The following PIK3C2G variants were observed in gnomAD, a reference collection of about 807,000 sequenced individuals.
PIK3C2G encodes phosphatidylinositol-4-phosphate 3-kinase catalytic subunit type 2 gamma.
A neutral mutation model predicts 181.1 loss-of-function variants in PIK3C2G; 168 were observed. The observed-to-expected ratio is 0.93, with a 90% confidence interval of 0.82 to 1.05. PIK3C2G has a LOEUF of 1.05. Ranked by LOEUF, PIK3C2G falls within the 50% of genes least tolerant of loss-of-function variation. The pLI is 0.00. For synonymous variants in PIK3C2G, 573 were observed against 592.2 expected (o/e 0.97, Z 0.47); for missense variants, 1,869 against 1,732.8 (o/e 1.08, Z -1.40).
At chr12:18,376,638 A>G (rs1250796176) in intron 13 of PIK3C2G, among the ~76,000 whole-genome samples, 1 of 152,158 alleles carries the variant, frequency 6.6e-6, no homozygotes, top group Non-Finnish European at 1.5e-5. Flanking sequence ...TATAGTTTGG[A>G]TGTTGTTTCC....
At chr12:18,566,922 A>G in intron 28 of PIK3C2G, 27 bp from the exon 29 acceptor site, 1 of 1,165,982 alleles carries the variant, frequency 8.6e-7, no homozygotes, top group Non-Finnish European at 1.3e-6. Flanking sequence ...AAACTAATGA[A>G]GATAACTTTT....
chr12:18,509,294 C>A (rs10841031), intron 24 of PIK3C2G, among the ~76,000 whole-genome samples: 3 of 152,058 alleles, frequency 2.0e-5, no homozygotes, highest in Admixed American at 6.5e-5. Flanking sequence ...GCAATTCGCC[C>A]GCCTCGGCCT....
chr12:18,346,806 C>T lies in PIK3C2G; in HGVS notation c.1595C>T (p.Ala532Val). The T allele has an allele frequency of 6.2e-7, 1 of 1,612,678 alleles. No individual in the cohort carries two copies. Among genetic ancestry groups the T allele is most frequent in the Non-Finnish European group, 8.5e-7 (1 of 1,179,274 alleles). ...CACCTCAGCTTCACAGTGTATGCAG[C>T]ACACAACATTCCAGAAACCTGGGTG... ...PSHLSFTVYA[A>V]HNIPETWVHS... The change falls in exon 11 of 33, where the codon GCA becomes GTA. Residue 532 changes from alanine (A) to valine (V), a missense_variant. Ala to Val is a moderately conservative substitution (Grantham distance 64). Transcript: ENST00000538779.
chr12:18,484,035 C>A (rs11044135), intron 18 of PIK3C2G, among the ~76,000 whole-genome samples: 94 of 152,250 alleles, frequency 6.2e-4, no homozygotes, highest in Non-Finnish European at 1.1e-3. Context: ...GAGGCCAAAC[C>A]AAATCACAAT....
chr12:18,583,951 A>G (rs1315865920), intron 29 of PIK3C2G, among the ~76,000 whole-genome samples: 1 of 152,094 alleles, frequency 6.6e-6, no homozygotes, highest in African/African-American at 2.4e-5. Context: ...GCAAAACCCA[A>G]CCCATAAGAA....
chr12:18,602,129 A>G (rs1473693149), intron 30 of PIK3C2G, among the ~76,000 whole-genome samples: 1 of 152,054 alleles, frequency 6.6e-6, no homozygotes, highest in Non-Finnish European at 1.5e-5. Context: ...TGGGAGGTGG[A>G]AAGCTTTGGG....
At chr12:18,641,125 T>C (rs1371092595) in intron 32 of PIK3C2G, among the ~76,000 whole-genome samples, 3 of 152,142 alleles carry the variant, frequency 2.0e-5, no homozygotes, top group African/African-American at 7.2e-5. Flanking sequence ...TTGTGTTCCT[T>C]TTCTTATGGC....
intron 7 of PIK3C2G, among the ~76,000 whole-genome samples, chr12:18,321,504 T>C (rs908624471): frequency 1.3e-5 from 2 of 152,230 alleles, no homozygotes; most frequent in Middle Eastern, 3.2e-3. Context: ...TTCTTATATC[T>C]AAATGTATGC....
chr12:18,691,612 A>G, the PIK3C2G span, among the ~76,000 whole-genome samples: 1 of 152,126 alleles, frequency 6.6e-6, no homozygotes, highest in African/African-American at 2.4e-5. Context: ...TAGAAGAGCA[A>G]TGTGTGTAGA....
chr12:18,522,249 T>C (rs1377266452), intron 24 of PIK3C2G, among the ~76,000 whole-genome samples: 1 of 152,226 alleles, frequency 6.6e-6, no homozygotes, highest in Admixed American at 6.5e-5. Context: ...TTTTAATAGC[T>C]TTTTCTTCTA....
intron 11 of PIK3C2G, among the ~76,000 whole-genome samples, chr12:18,353,266 G>A (rs1416267853): frequency 6.6e-6 from 1 of 152,070 alleles, no homozygotes; most frequent in Non-Finnish European, 1.5e-5. Flanking sequence ...CATTGTCCAA[G>A]GCTCCAGTTG....
At chr12:18,448,835 TGTG>T (rs551359015) in intron 18 of PIK3C2G, among the ~76,000 whole-genome samples, 94 of 151,662 alleles carry the variant, frequency 6.2e-4, no homozygotes, top group African/African-American at 2.2e-3. Context: ...TATATATAAT[TGTG>T]GTGGAGATAT....
At position 18,491,674 on chromosome 12, in the gene PIK3C2G, C is replaced by T. The variant is rs768295514; in HGVS notation, c.2793+116C>T. ...TAAGTTGACACTGCAATTATTTTAA[C>T]GAAAAAGTAACTGAATCCATTTACA... On this transcript the variant is annotated intron_variant, in intron 20 of 32. Transcript: ENST00000538779. The T allele has an allele frequency of 8.9e-4, 524 of 586,818 alleles. 1 individual carries two copies. The highest frequency in any genetic ancestry group is 1.2e-3 in the Non-Finnish European group (405 of 330,600). 36.4% of individuals were successfully genotyped at this position (586,818 alleles called of 1,614,324 possible).
chr12:18,708,455 A>G, the PIK3C2G span, among the ~76,000 whole-genome samples: 1 of 152,206 alleles, frequency 6.6e-6, no homozygotes, highest in Non-Finnish European at 1.5e-5. Flanking sequence ...ATTGTGAACA[A>G]TTCTACAGTG....
At chr12:18,669,000 C>T in the PIK3C2G span, among the ~76,000 whole-genome samples, 1 of 152,088 alleles carries the variant, frequency 6.6e-6, no homozygotes, top group Non-Finnish European at 1.5e-5. Context: ...ATTTCCCCCG[C>T]TGAGCAAAAG....
chr12:18,252,275 C>T (rs928708323), intron 1 of PIK3C2G, among the ~76,000 whole-genome samples: 1 of 152,130 alleles, frequency 6.6e-6, no homozygotes, highest in African/African-American at 2.4e-5. Context: ...CTGCTGTAAT[C>T]AAGCCCAATA....
chr12:18,343,411 AC>A (rs1290491120), intron 10 of PIK3C2G, 51 bp downstream of exon 10: 1 of 970,994 alleles, frequency 1.0e-6, no homozygotes, highest in Non-Finnish European at 1.5e-6. Context: ...AAAATAAGTT[AC>A]AGAATCCAAA....
intron 18 of PIK3C2G, among the ~76,000 whole-genome samples, chr12:18,461,146 A>T (rs567774145): frequency 6.6e-6 from 1 of 152,304 alleles, no homozygotes; most frequent in African/African-American, 2.4e-5. Context: ...ATATTGTGAT[A>T]TACCTCACTT....
intron 1 of PIK3C2G, among the ~76,000 whole-genome samples, chr12:18,271,436 A>G (rs1484639242): frequency 6.6e-6 from 1 of 152,118 alleles, no homozygotes; most frequent in Non-Finnish European, 1.5e-5. Flanking sequence ...ATGGCAAACA[A>G]AATAAGAGAC....
Sources: gnomAD v4.1 joint callset for allele counts (sites outside exome capture counted in the v4.1 genomes callset) on GRCh38, gnomAD v4.1.1 for gene constraint, MANE v1.5 for transcripts, NCBI Gene and HGNC (gene_info 2026-07-23, HGNC 2026-07-21) for gene names.